DAB1: variants seen among roughly 807,000 people sequenced by gnomAD.
DAB1 encodes disabled homolog 1.
DAB1 carries 15 observed loss-of-function variants against 64.6 expected under a neutral mutation model. The ratio of observed to expected loss-of-function variants is 0.23; its 90% CI spans 0.16 to 0.36. The LOEUF (loss-of-function observed/expected upper bound fraction) is 0.36, where lower values mean the gene tolerates loss of function less well. Ranked by LOEUF, DAB1 falls within the 10% of genes least tolerant of loss-of-function variation. The pLI is 1.00. For synonymous variants in DAB1, 235 were observed against 251.9 expected (o/e 0.93, Z 0.64); for missense variants, 596 against 706.7 (o/e 0.84, Z 1.78).
chr1:57,266,997 G>C (rs1157055346), intron 2 of DAB1, among the ~76,000 whole-genome samples: 1 of 152,058 alleles, frequency 6.6e-6, no homozygotes, highest in Non-Finnish European at 1.5e-5. Flanking sequence ...GTCCCAAAAA[G>C]GTACTGTCAT....
At chr1:57,268,811 G>C (rs961964252) in intron 2 of DAB1, among the ~76,000 whole-genome samples, 2 of 152,228 alleles carry the variant, frequency 1.3e-5, no homozygotes, top group Admixed American at 1.3e-4. Flanking sequence ...TCAAGGGCCA[G>C]TCAGGCAAAC....
chr1:57,255,610 G>T (rs1312429299), intron 2 of DAB1, among the ~76,000 whole-genome samples: 2 of 152,112 alleles, frequency 1.3e-5, no homozygotes, highest in African/African-American at 4.8e-5. Flanking sequence ...AGAGAGCTGA[G>T]ATCACACCAC....
chr1:58,354,140 G>A (rs1333137344), intron 3 of DAB1, among the ~76,000 whole-genome samples: 4 of 152,092 alleles, frequency 2.6e-5, no homozygotes, highest in Non-Finnish European at 5.9e-5. Context: ...GACTCTGATA[G>A]GGATGTAATG....
At position 58,318,952 on chromosome 1, in the gene DAB1, A is replaced by G. The variant is rs1662619860; in HGVS notation, n.309+24400T>C. 2.0e-5 allele frequency among the ~76,000 whole-genome samples: 3 copies of G among 152,236 alleles called. No homozygotes were observed. The South Asian group carries it at 6.2e-4, about 32-fold the overall frequency. On this transcript the variant is annotated intron_variant and non_coding_transcript_variant, in intron 4 of 20. Coordinates refer to the DAB1 transcript ENST00000485760. ...TAGAAGGACAACTATCCACAGCCAG[A>G]GAGCAGATCATTGTGAGATGACCAA...
At chr1:57,593,226 C>T (rs990571086) in intron 7 of DAB1, among the ~76,000 whole-genome samples, 8 of 152,182 alleles carry the variant, frequency 5.3e-5, no homozygotes, top group African/African-American at 1.9e-4. Context: ...ATTTGACTTC[C>T]CTAGGTACTT....
intron 7 of DAB1, among the ~76,000 whole-genome samples, chr1:57,470,008 A>G (rs1263099186): frequency 6.6e-6 from 1 of 152,228 alleles, no homozygotes. Flanking sequence ...GAAATGCTGA[A>G]CTAGGCTAAA....
chr1:58,279,469 T>C (rs912314138), intron 4 of DAB1, among the ~76,000 whole-genome samples: 5 of 152,226 alleles, frequency 3.3e-5, no homozygotes, highest in African/African-American at 1.2e-4. Flanking sequence ...ATTTGTGCCA[T>C]GAATTATAAT....
At chr1:57,353,036 G>A (rs958582613) in intron 1 of DAB1, among the ~76,000 whole-genome samples, 1 of 151,560 alleles carries the variant, frequency 6.6e-6, no homozygotes, top group Non-Finnish European at 1.5e-5. Flanking sequence ...GCCAGACTCT[G>A]TAATCATATG....
chr1:58,002,872 CTAGT>C (rs1428294836), intron 5 of DAB1, among the ~76,000 whole-genome samples: 2 of 151,978 alleles, frequency 1.3e-5, no homozygotes, highest in African/African-American at 2.4e-5. Flanking sequence ...TAAATTTAGG[CTAGT>C]TATTTATCTT....
intron 3 of DAB1, among the ~76,000 whole-genome samples, chr1:58,422,386 T>G (rs1644780753): frequency 6.6e-6 from 1 of 151,746 alleles, no homozygotes; most frequent in Non-Finnish European, 1.5e-5. Context: ...GAGACAAAAA[T>G]GGAATTTATT....
intron 3 of DAB1, among the ~76,000 whole-genome samples, chr1:58,497,776 C>G (rs1012404933): frequency 1.3e-5 from 2 of 152,190 alleles, no homozygotes; most frequent in African/African-American, 4.8e-5. Context: ...AAACCTTACC[C>G]TTGCTCACTG....
In DAB1 at chr1:57,650,295, A is replaced by T. The variant is rs147176227; in HGVS notation, n.552-630T>A. Among the ~76,000 whole-genome samples, 176 of 145,162 alleles carry T rather than the reference A, an allele frequency of 1.2e-3. 4 individuals carry two copies. The East Asian group carries it at 0.022, about 18-fold the overall frequency. ...GAGTAGCTGAGGCTACAGGTGTGCC[A>T]CCACGCCTGGCTAATTTTTGCATTT... is the stretch of plus-strand genomic sequence containing the variant. On this transcript the variant is annotated intron_variant and non_coding_transcript_variant, in intron 6 of 20. Coordinates refer to the DAB1 transcript ENST00000485760.
intron 2 of DAB1, among the ~76,000 whole-genome samples, chr1:57,223,286 G>T (rs1005430481): frequency 6.6e-6 from 1 of 152,182 alleles, no homozygotes; most frequent in Non-Finnish European, 1.5e-5. Flanking sequence ...TTCCAGAAGC[G>T]TAGCACATCT....
At chr1:57,553,079 G>A (rs1246896689) in intron 7 of DAB1, among the ~76,000 whole-genome samples, 2 of 151,994 alleles carry the variant, frequency 1.3e-5, no homozygotes, top group Non-Finnish European at 2.9e-5. Context: ...TAGGGCTGGA[G>A]AGGTGCAGAT....
intron 7 of DAB1, among the ~76,000 whole-genome samples, chr1:57,572,950 C>T (rs1645209665): frequency 6.6e-6 from 1 of 152,158 alleles, no homozygotes; most frequent in Non-Finnish European, 1.5e-5. Context: ...AGCACCAAAC[C>T]ATTAAGGATC....
intron 1 of DAB1, among the ~76,000 whole-genome samples, chr1:57,304,950 C>T (rs962744519): frequency 6.6e-6 from 1 of 152,306 alleles, no homozygotes; most frequent in Middle Eastern, 3.4e-3. Flanking sequence ...ATGTGAAAAA[C>T]AAGCTATAAG....
At position 57,611,753 on chromosome 1, in the gene DAB1, A is replaced by C. The variant is rs79314492; in HGVS notation, n.625+37839T>G. On this transcript the variant is annotated intron_variant and non_coding_transcript_variant, in intron 7 of 20. Coordinates refer to the DAB1 transcript ENST00000485760. ...CCTGGGCCATCTGGCAGCAGCCCCT[A>C]GCAGGCCTTGCTACATCTACTCTTG... 7.1e-3 allele frequency among the ~76,000 whole-genome samples: 1,076 copies of C among 152,294 alleles called. 13 individuals are homozygous for C. Among genetic ancestry groups the C allele is most frequent in the African/African-American group, 0.025 (1,028 of 41,568 alleles).
At position 58,075,716 on chromosome 1, in the gene DAB1, C is replaced by CT. The variant is rs1432045198; in HGVS notation, n.387+74794dup. Among the ~76,000 whole-genome samples the CT allele has an allele frequency of 5.3e-5, 8 of 152,312 alleles. 1 individual carries two copies. In the East Asian group the frequency reaches 1.4e-3, roughly 26 times the overall value. ...AATGCAGCTGGGCTTCAAGAATGTA[C>CT]TAGAACCAAGGTCTAGAGAGCTGTC... On this transcript the variant is annotated intron_variant and non_coding_transcript_variant, in intron 5 of 20. Coordinates refer to the DAB1 transcript ENST00000485760.
intron 2 of DAB1, among the ~76,000 whole-genome samples, chr1:58,526,882 G>A (rs923551925): frequency 2.6e-5 from 4 of 152,092 alleles, no homozygotes; most frequent in African/African-American, 9.6e-5. Context: ...GGCCAGAGGG[G>A]ATGACACATT....
Sources: gnomAD v4.1 joint callset for allele counts (sites outside exome capture counted in the v4.1 genomes callset) on GRCh38, gnomAD v4.1.1 for gene constraint, MANE v1.5 for transcripts, NCBI Gene and HGNC (gene_info 2026-07-23, HGNC 2026-07-21) for gene names.